The following PTGS1 variants were observed in gnomAD, a reference collection of about 807,000 sequenced individuals.
PTGS1 encodes prostaglandin-endoperoxide synthase 1, also known as prostaglandin G/H synthase 1.
Under a neutral mutation model 63.0 loss-of-function variants are expected in PTGS1, and 40 were observed. That is an observed-to-expected ratio of 0.63 (90% CI 0.49 to 0.83). The LOEUF (loss-of-function observed/expected upper bound fraction) is 0.83. Ranked by LOEUF, PTGS1 falls within the 40% of genes least tolerant of loss-of-function variation. The pLI, the probability that PTGS1 is intolerant of heterozygous loss-of-function variation, is 0.00. For synonymous variants in PTGS1, 298 were observed against 301.9 expected, an observed-to-expected ratio of 0.99 and a Z score of 0.13; for missense variants, 709 against 786.5, an observed-to-expected ratio of 0.90 and a Z score of 1.18.
At position 122,378,850 on chromosome 9, in the gene PTGS1, A is replaced by T; in HGVS notation, c.428A>T (p.Asn143Ile). ...HDYISWESFS[N>I]VSYYTRILPS... Reference sequence around the variant, plus strand: ...TACATCAGCTGGGAGTCTTTCTCCAACGTGAGCTATTACACTCGTATTCTG... The same window carrying T: ...TACATCAGCTGGGAGTCTTTCTCCATCGTGAGCTATTACACTCGTATTCTG... The change falls in exon 5 of 11, where the codon AAC becomes ATC. Residue 143 changes from asparagine to isoleucine, a missense_variant. Transcript: ENST00000362012. 6.2e-7 allele frequency: 1 copy of T among 1,614,238 alleles called. No individual in the cohort carries two copies. The highest frequency in any genetic ancestry group is 2.2e-5 in the East Asian group (1 of 44,890).
In PTGS1 at chr9:122,377,871, G is replaced by T. The variant is rs1252693333; in HGVS notation, c.95-28G>T. The T allele has an allele frequency of 8.1e-6, 13 of 1,599,832 alleles. No individual in the cohort carries two copies. In the South Asian group the frequency reaches 1.4e-4, roughly 18 times the overall value. On this transcript the variant is annotated intron_variant, in intron 2 of 10. Transcript: ENST00000362012. The stretch of plus-strand genomic sequence containing the variant: ...GGGGTCAGGAGGCCACCCTAGCATG[G>T]TCTCTGACCTCCATTTCTCACCCAC...
chr9:122,391,367 A>G (rs1294574179), intron 10 of PTGS1, among the ~76,000 whole-genome samples: 9 of 88,178 alleles, frequency 1.0e-4, no homozygotes, highest in East Asian at 3.8e-4. Flanking sequence ...ACATATATAT[A>G]TATACATATA....
At chr9:122,388,277 C>G (rs73663905) in intron 9 of PTGS1, among the ~76,000 whole-genome samples, 1 of 151,962 alleles carries the variant, frequency 6.6e-6, no homozygotes, top group Non-Finnish European at 1.5e-5. Context: ...AACTCCTGGG[C>G]TCAAGCGATC....
chr9:122,379,273 A>G (rs1013884584), intron 5 of PTGS1, among the ~76,000 whole-genome samples: 2 of 152,186 alleles, frequency 1.3e-5, no homozygotes, highest in African/African-American at 4.8e-5. Context: ...GTCTTTACAG[A>G]TGTAAATAGT....
At chr9:122,383,401 C>A (rs996473995) in intron 7 of PTGS1, 108 bp from the exon 8 acceptor site, 2 of 1,461,304 alleles carry the variant, frequency 1.4e-6, no homozygotes, top group African/African-American at 1.4e-5. Flanking sequence ...GAATCAACAG[C>A]CTTGGCTGAG....
chr9:122,391,274 A>G (rs1239648398), intron 10 of PTGS1, among the ~76,000 whole-genome samples: 2 of 145,354 alleles, frequency 1.4e-5, no homozygotes, highest in African/African-American at 5.0e-5. Flanking sequence ...ATACATATAT[A>G]TCAATATATA....
At position 122,386,630 on chromosome 9, in the gene PTGS1, C is replaced by T; in HGVS notation, c.1194C>T (p.Ser398=). The T allele has an allele frequency of 6.2e-7, 1 of 1,614,160 alleles. No homozygotes were observed. ...TGCCTGACTCCTTCAAGGTGGGCTCCCAGGAGTACAGCTACGAGCAGTTCT... is the reference window on the plus strand; with the variant it reads ...TGCCTGACTCCTTCAAGGTGGGCTCTCAGGAGTACAGCTACGAGCAGTTCT... ...PLMPDSFKVG[S]QEYSYEQFLF... The change falls in exon 9 of 11, where the codon TCC becomes TCT. Residue 398 remains serine (S), a synonymous_variant. Coordinates refer to ENST00000362012, the MANE Select transcript of PTGS1 (RefSeq NM_000962.4).
intron 2 of PTGS1, chr9:122,372,841 G>A (rs1177061526): frequency 3.9e-5 from 6 of 152,194 alleles, no homozygotes; most frequent in Admixed American, 6.5e-5. Flanking sequence ...TTATCCCCAA[G>A]GGTTATTTAT....
chr9:122,376,344 T>TTG (rs57350981), intron 2 of PTGS1, among the ~76,000 whole-genome samples: 20,528 of 126,796 alleles, frequency 0.16, 1,548 homozygotes, highest in Non-Finnish European at 0.2. Context: ...TGGTCCTTGC[T>TTG]TGTGTGTGTG....
At chr9:122,370,942 G>A (rs564687450), upstream of PTGS1, 6 of 1,352,078 alleles carry the variant, frequency 4.4e-6, 1 homozygote, top group South Asian at 8.0e-5. Flanking sequence ...GAAGTAAGCG[G>A]GCAGCCGAGG....
In PTGS1 at chr9:122,371,229, G is replaced by C. The variant is rs201531695; in HGVS notation, c.51G>C (p.Pro17=). The C allele has an allele frequency of 5.6e-6, 9 of 1,607,838 alleles. No homozygotes were observed. The highest frequency in any genetic ancestry group is 7.6e-6 in the Non-Finnish European group (9 of 1,179,830). ...TCTTGCTGTTCCTGCTCCTGCTCCC[G>C]CCGCTCCCCGTCCTGCTCGCGGACC... The part of the protein sequence containing the change: ...LWFLLFLLLL[P]PLPVLLADPG... Residue 17 remains proline (P), a synonymous_variant, in exon 2 of 11, where the codon CCG becomes CCC. Transcript: ENST00000362012.
intron 8 of PTGS1, among the ~76,000 whole-genome samples, chr9:122,384,113 C>G (rs1049818683): frequency 6.6e-6 from 1 of 152,122 alleles, no homozygotes; most frequent in African/African-American, 2.4e-5. Context: ...CGGATGCATA[C>G]TTGTGGTCCC....
chr9:122,383,189 T>A (rs899653226), intron 7 of PTGS1, among the ~76,000 whole-genome samples: 2 of 147,460 alleles, frequency 1.4e-5, no homozygotes, highest in African/African-American at 5.3e-5. Flanking sequence ...TGTTTTTTTT[T>A]TTTTAAGTTT....
upstream of PTGS1, chr9:122,370,801 T>A: frequency 5.0e-6 from 3 of 594,140 alleles, no homozygotes; most frequent in Middle Eastern, 4.5e-4. Context: ...TCTCTGAGCC[T>A]CAGTTTCCTG....
chr9:122,390,422 G>C (rs1175009479), intron 10 of PTGS1, 77 bp downstream of exon 10: 2 of 1,504,630 alleles, frequency 1.3e-6, no homozygotes, highest in Non-Finnish European at 1.8e-6. Flanking sequence ...CAAGGAAATA[G>C]AACGGGACAA....
chr9:122,391,444 T>C (rs1363364763), intron 10 of PTGS1, among the ~76,000 whole-genome samples: 2 of 136,184 alleles, frequency 1.5e-5, no homozygotes, highest in Non-Finnish European at 3.1e-5. Flanking sequence ...TATATATATA[T>C]ATTTCCCCCA....
rs200049829 is a variant in PTGS1, at chr9:122,390,227, C to T, written c.1326C>T (p.His442=). The change falls in exon 10 of 11, where the codon CAC becomes CAT. Residue 442 remains histidine, a synonymous_variant. Transcript: ENST00000362012. ...GTGGGGGCAGGAACATGGACCACCA[C>T]ATCCTGCATGTGGCTGTGGATGTCA... ...RIGGGRNMDH[H]ILHVAVDVIR... 10 of 1,614,014 alleles carry T rather than the reference C, an allele frequency of 6.2e-6. No homozygotes were observed. The highest frequency in any genetic ancestry group is 4.2e-6 in the Non-Finnish European group (5 of 1,179,998).
intron 2 of PTGS1, among the ~76,000 whole-genome samples, chr9:122,375,936 G>A (rs1476580378): frequency 6.6e-6 from 1 of 152,176 alleles, no homozygotes; most frequent in African/African-American, 2.4e-5. Context: ...TAGACCGTGA[G>A]TCCTAGCGGA....
chr9:122,381,601 G>A lies in PTGS1; in HGVS notation c.678+49G>A, dbSNP rs112861995. 525 of 1,612,930 alleles carry A rather than the reference G, an allele frequency of 3.3e-4. 1 individual carries two copies. The African/African-American group carries it at 4.8e-3, about 15-fold the overall frequency. Reference sequence around the variant, plus strand: ...GACTGCTCTGGACCTAATTTGGCACGCGTATGTCATCGACAGTGGGCCGGC... The same window carrying A: ...GACTGCTCTGGACCTAATTTGGCACACGTATGTCATCGACAGTGGGCCGGC... On this transcript the variant is annotated intron_variant, in intron 6 of 10. Coordinates refer to ENST00000362012, the MANE Select transcript of PTGS1 (RefSeq NM_000962.4).
Sources: allele counts gnomAD v4.1 joint callset (sites outside exome capture counted in the v4.1 genomes callset), GRCh38; gene constraint gnomAD v4.1.1; transcripts MANE v1.5; gene names NCBI Gene and HGNC (gene_info 2026-07-23, HGNC 2026-07-21).